Variants in NSD2 observed in about 807,000 individuals in gnomAD.
The protein encoded by NSD2 is nuclear receptor binding SET domain protein 2, also known as histone-lysine N-methyltransferase NSD2.
A neutral mutation model predicts 139.0 loss-of-function variants in NSD2; 12 were observed. The ratio of observed to expected loss-of-function variants is 0.09; its 90% CI spans 0.06 to 0.14. NSD2 has a LOEUF of 0.14. Among genes scored for constraint, NSD2 ranks in the 10% least tolerant of loss-of-function variants. The pLI, the probability that NSD2 is intolerant of heterozygous loss-of-function variation, is 1.00. For synonymous variants in NSD2, 669 were observed against 648.7 expected (o/e 1.03, Z -0.48); for missense variants, 1,155 against 1,745.0 (o/e 0.66, Z 6.02).
chr4:1,885,370 T>C (rs1715009714), intron 1 of NSD2, among the ~76,000 whole-genome samples: 1 of 152,218 alleles, frequency 6.6e-6, no homozygotes, highest in Non-Finnish European at 1.5e-5. Flanking sequence ...TTGAGGGCTC[T>C]CTGCTGATTC....
At chr4:1,915,267 C>A (rs1189409168) in intron 3 of NSD2, among the ~76,000 whole-genome samples, 3 of 151,806 alleles carry the variant, frequency 2.0e-5, no homozygotes, top group Non-Finnish European at 4.4e-5. Context: ...AGGCGCCCAC[C>A]ACCATGCCTG....
At chr4:1,890,894 G>A (rs1577367852) in intron 1 of NSD2, among the ~76,000 whole-genome samples, 1 of 151,978 alleles carries the variant, frequency 6.6e-6, no homozygotes, top group East Asian at 1.9e-4. Flanking sequence ...ACCACGCCCG[G>A]CCTTTTTTTT....
At chr4:1,930,195 C>T (rs1012104398) in intron 5 of NSD2, among the ~76,000 whole-genome samples, 6 of 152,106 alleles carry the variant, frequency 3.9e-5, no homozygotes, top group African/African-American at 1.4e-4. Context: ...AGGGCCTGTA[C>T]CTGAAAGACG....
intron 1 of NSD2, among the ~76,000 whole-genome samples, chr4:1,894,902 T>G (rs1007329995): frequency 6.6e-6 from 1 of 152,200 alleles, no homozygotes; most frequent in East Asian, 1.9e-4. Context: ...CTTTTTCATC[T>G]TCTCAAACTG....
Position 1,942,204 on chromosome 4 carries a change from G to A in NSD2, c.1881+2426G>A. 1 of 1,474,050 alleles carries A rather than the reference G, an allele frequency of 6.8e-7. No individual in the cohort carries two copies. The highest frequency in any genetic ancestry group is 9.0e-7 in the Non-Finnish European group (1 of 1,115,942). The allele number at this position is 1,474,050 out of a possible 1,614,324, so 91.3% of individuals were successfully genotyped here. Reference sequence around the variant, plus strand: ...CATGGTACTACATCACCCTGAGGAAGAGAATAAATTAAAATTACACACTTG... The same window carrying A: ...CATGGTACTACATCACCCTGAGGAAAAGAATAAATTAAAATTACACACTTG... On this transcript the variant is annotated intron_variant, in intron 9 of 21. Transcript: ENST00000508803. This position sits in a 1 kb window ranked among gnomAD's most constrained non-coding sequence, Gnocchi z 4.0.
At chr4:1,945,300 A>AAAGGAGGGAGGATGCTGTGTGAG (rs1723505365) in intron 9 of NSD2, 1 of 1,065,518 alleles carries the variant, frequency 9.4e-7, no homozygotes, top group Non-Finnish European at 1.1e-6. Flanking sequence ...ACACCACAGG[A>AAAGGAGGGAGGATGCTGTGTGAG]AAGGAGGGAG....
Position 1,955,888 on chromosome 4 carries a change from G to T in NSD2, c.2675+39G>T. The T allele has an allele frequency of 6.2e-7, 1 of 1,610,122 alleles. No individual in the cohort carries two copies. The highest frequency in any genetic ancestry group is 8.5e-7 in the Non-Finnish European group (1 of 1,176,914). On this transcript the variant is annotated intron_variant, in intron 14 of 21. Coordinates refer to ENST00000508803, the MANE Select transcript of NSD2 (RefSeq NM_001042424.3). The surrounding 1 kb of genome is among the most constrained non-coding windows in gnomAD (Gnocchi z 4.7). ...AATCGTATGCTTTTATGTCTTTTCT[G>T]TTCACATGTGTTCGCTTTACAGTAC...
chr4:1,941,477 C>T (rs951064749), intron 9 of NSD2: 3 of 1,047,534 alleles, frequency 2.9e-6, no homozygotes, highest in Non-Finnish European at 3.5e-6. Context: ...CAGGGGAGCT[C>T]AGTCTCCCTG....
chr4:1,951,103 A>G lies in NSD2; in HGVS notation c.1913A>G (p.Glu638Gly). ...VSDSPGDEPS[E>G]SPYESADETQ... is the part of the protein sequence containing the mutation. ...GACAGCCCGGGAGACGAGCCCTCGG[A>G]GTCCCCATACGAAAGTGCAGACGAA... Residue 638 changes from glutamate (E) to glycine (G), a missense_variant, in exon 10 of 22, where the codon GAG becomes GGG. Physicochemically the swap from Glu to Gly is moderately conservative, Grantham distance 98. Coordinates refer to ENST00000508803, the MANE Select transcript of NSD2 (RefSeq NM_001042424.3). The G allele has an allele frequency of 6.2e-7, 1 of 1,614,188 alleles. No individual in the cohort carries two copies. The highest frequency in any genetic ancestry group is 8.5e-7 in the Non-Finnish European group (1 of 1,180,024).
At position 1,979,407 on chromosome 4, in the gene NSD2, C is replaced by G; in HGVS notation, c.*498C>G. The G allele has an allele frequency of 4.3e-6, 1 of 234,642 alleles. No individual in the cohort carries two copies. The highest frequency in any genetic ancestry group is 8.4e-6 in the Non-Finnish European group (1 of 119,046). 14.5% of individuals were successfully genotyped at this position (234,642 alleles called of 1,614,324 possible). ...GATTCCTCGAAACTGCCATTGTGAT[C>G]ATTACTCTGCTCTTTGGAAATGGCT... On this transcript the variant is annotated 3_prime_UTR_variant, in exon 22 of 22. Transcript: ENST00000508803.
intron 21 of NSD2, among the ~76,000 whole-genome samples, chr4:1,977,267 A>T (rs1401267687): frequency 6.6e-6 from 1 of 152,242 alleles, no homozygotes; most frequent in Non-Finnish European, 1.5e-5. Flanking sequence ...TTCAGAGATG[A>T]CAGGCGCCAG....
At chr4:1,879,431 G>A (rs1452096038) in intron 1 of NSD2, among the ~76,000 whole-genome samples, 1 of 152,138 alleles carries the variant, frequency 6.6e-6, no homozygotes, top group African/African-American at 2.4e-5. Flanking sequence ...GTGTTAGCCA[G>A]GATGGTCTCA....
chr4:1,886,776 T>G (rs1224827289), intron 1 of NSD2, among the ~76,000 whole-genome samples: 4 of 151,882 alleles, frequency 2.6e-5, no homozygotes, highest in Admixed American at 2.0e-4. Context: ...GAGGTGGAGG[T>G]TGCAGTGAGC....
rs1471328826 is a variant in NSD2 at position 1,955,394 on chromosome 4, C to G, written c.2518+54C>G. On this transcript the variant is annotated intron_variant, in intron 13 of 21. Coordinates refer to ENST00000508803, the MANE Select transcript of NSD2 (RefSeq NM_001042424.3). This position sits in a 1 kb window ranked among gnomAD's most constrained non-coding sequence, Gnocchi z 4.7. ...ACGCCTCTCACACTCCCAGGAGCCACATATCAAGGCAGGCTCATTCCTTGT... is the reference window on the plus strand; with the variant it reads ...ACGCCTCTCACACTCCCAGGAGCCAGATATCAAGGCAGGCTCATTCCTTGT... 1 of 1,551,570 alleles carries G rather than the reference C, an allele frequency of 6.4e-7. No individual in the cohort carries two copies. Among genetic ancestry groups the G allele is most frequent in the African/African-American group, 1.4e-5 (1 of 73,718 alleles).
At chr4:1,952,358 C>T in intron 11 of NSD2, 127 bp downstream of exon 11, 4 of 1,389,932 alleles carry the variant, frequency 2.9e-6, no homozygotes, top group Non-Finnish European at 3.9e-6. Context: ...CCGCCTGGCC[C>T]TCTCTGGAGC....
chr4:1,915,184 C>T (rs1275812369), intron 3 of NSD2, among the ~76,000 whole-genome samples: 8 of 138,182 alleles, frequency 5.8e-5, no homozygotes, highest in Non-Finnish European at 1.5e-5. Flanking sequence ...GGCGCAGTCT[C>T]GGCTCACTGC....
At chr4:1,946,081 A>G (rs1723596894) in intron 9 of NSD2, 1 of 1,031,056 alleles carries the variant, frequency 9.7e-7, no homozygotes, top group Non-Finnish European at 1.2e-6. Flanking sequence ...TTTAAAAAAA[A>G]TCTATAAATA....
intron 1 of NSD2, among the ~76,000 whole-genome samples, chr4:1,891,190 C>T (rs1030135196): frequency 6.6e-6 from 1 of 152,134 alleles, no homozygotes; most frequent in Non-Finnish European, 1.5e-5. Flanking sequence ...CACTGTGCCC[C>T]GCCTACGTGG....
At chr4:1,944,328 GA>G in intron 9 of NSD2, 4 of 1,066,290 alleles carry the variant, frequency 3.8e-6, no homozygotes, top group Non-Finnish European at 4.5e-6. Flanking sequence ...GGCTTGCCAA[GA>G]GTACAGAAAT....
Sources: gnomAD v4.1 joint callset for allele counts (sites outside exome capture counted in the v4.1 genomes callset) on GRCh38, gnomAD v4.1.1 for gene constraint, Gnocchi (gnomAD v3.1) non-coding constraint, MANE v1.5 for transcripts, NCBI Gene and HGNC (gene_info 2026-07-23, HGNC 2026-07-21) for gene names.